DSCAM: variants seen among roughly 807,000 people sequenced by gnomAD.
DSCAM encodes the protein cell adhesion molecule DSCAM.
Under a neutral mutation model 217.7 loss-of-function variants are expected in DSCAM, and 47 were observed. The observed-to-expected ratio is 0.22, with a 90% CI of 0.17 to 0.28. DSCAM has a LOEUF of 0.28. DSCAM is among the 10% of genes least tolerant of loss of function. DSCAM has a pLI of 1.00. For synonymous variants in DSCAM, 1,056 were observed against 1,015.3 expected (o/e 1.04, Z -0.76); for missense variants, 2,080 against 2,618.3 (o/e 0.79, Z 4.49).
intron 1 of DSCAM, among the ~76,000 whole-genome samples, chr21:40,717,358 A>G (rs1207626629): frequency 6.6e-6 from 1 of 152,256 alleles, no homozygotes; most frequent in Non-Finnish European, 1.5e-5. Flanking sequence ...AAATGAAAAC[A>G]TACATCCACA....
chr21:40,147,979 A>G lies in DSCAM; in HGVS notation c.3019-3248T>C, dbSNP rs558427437. Reference sequence around the variant, plus strand: ...AGTCCCAGAAGTAGATGACCATCTTATTTTTTAAGTCCATGTTTCAATTGG... The same window carrying G: ...AGTCCCAGAAGTAGATGACCATCTTGTTTTTTAAGTCCATGTTTCAATTGG... On this transcript the variant is annotated intron_variant, in intron 16 of 32. Coordinates refer to ENST00000400454, the MANE Select transcript of DSCAM (RefSeq NM_001389.5). 2.6e-5 allele frequency among the ~76,000 whole-genome samples: 4 copies of G among 152,190 alleles called. No individual in the cohort carries two copies. The South Asian group carries it at 8.3e-4, about 32-fold the overall frequency.
chr21:40,174,334 G>C (rs1467716336), intron 15 of DSCAM, among the ~76,000 whole-genome samples: 1 of 152,114 alleles, frequency 6.6e-6, no homozygotes. Context: ...TTTGGGGTTG[G>C]AGCAATGAGA....
At chr21:40,643,741 T>C (rs971732876) in intron 3 of DSCAM, among the ~76,000 whole-genome samples, 9 of 152,134 alleles carry the variant, frequency 5.9e-5, no homozygotes, top group Non-Finnish European at 1.0e-4. Context: ...CATAAGAAGG[T>C]TGGCCACACA....
At position 40,682,674 on chromosome 21, in the gene DSCAM, G is replaced by GAGACCT. The variant is rs1568981615; in HGVS notation, c.508+10135_508+10136insAGGTCT. Among the ~76,000 whole-genome samples, 2 of 20,446 alleles carry GAGACCT rather than the reference G, an allele frequency of 9.8e-5. 1 individual carries two copies. Among genetic ancestry groups the GAGACCT allele is most frequent in the Non-Finnish European group, 2.0e-4 (2 of 10,084 alleles). 13.4% of individuals were successfully genotyped at this position (20,446 alleles called of 152,430 possible). On this transcript the variant is annotated intron_variant, in intron 3 of 32. Transcript: ENST00000400454. ...GAAGGGAAGGGAGCGGAGGGGGAGG[G>GAGACCT]GAGGGGAGGGGAAGGGAGCGGAGGG... is the stretch of plus-strand genomic sequence containing the variant.
At chr21:40,287,509 AG>A (rs1210835306) in intron 10 of DSCAM, among the ~76,000 whole-genome samples, 3 of 152,184 alleles carry the variant, frequency 2.0e-5, no homozygotes, top group Non-Finnish European at 4.4e-5. Context: ...CCCCTAAAGT[AG>A]GAGGGGACTC....
chr21:40,289,793 G>T (rs775813585), intron 10 of DSCAM, among the ~76,000 whole-genome samples: 2 of 152,068 alleles, frequency 1.3e-5, no homozygotes, highest in Non-Finnish European at 1.5e-5. Flanking sequence ...TGCTGTATTC[G>T]AAAGGAAACC....
chr21:40,220,626 A>G (rs1411699166), intron 11 of DSCAM, among the ~76,000 whole-genome samples: 1 of 152,216 alleles, frequency 6.6e-6, no homozygotes, highest in Non-Finnish European at 1.5e-5. Flanking sequence ...AATCTTTAAT[A>G]AAAAGTCTCC....
rs920280128 is a variant in DSCAM, at chr21:40,016,403, G to A, written c.5687-3017C>T. Among the ~76,000 whole-genome samples the A allele has an allele frequency of 1.3e-5, 2 of 152,066 alleles. No individual in the cohort carries two copies. ...GTACTTTGATGACAAAAGATGAAGG[G>A]TTTAGTTTCAGACCTGCTGAGTTTG... On this transcript the variant is annotated intron_variant, in intron 32 of 32. Coordinates refer to ENST00000400454, the MANE Select transcript of DSCAM (RefSeq NM_001389.5). This position sits in a 1 kb window ranked among gnomAD's most constrained non-coding sequence, Gnocchi z 4.3.
rs79047737 is a variant in DSCAM, at chr21:40,804,814, A to G, written c.43+41805T>C. ...TTGCTAAATTCCCATCTATAAGTCA[A>G]CATTCCCCTCCATCTAGGACTATCT... On this transcript the variant is annotated intron_variant, in intron 1 of 32. Coordinates refer to ENST00000400454, the MANE Select transcript of DSCAM (RefSeq NM_001389.5). 0.014 allele frequency among the ~76,000 whole-genome samples: 2,104 copies of G among 152,192 alleles called. 97 individuals are homozygous for G. The East Asian group carries it at 0.18, about 13-fold the overall frequency.
At chr21:40,746,542 T>C (rs1277138034) in intron 1 of DSCAM, among the ~76,000 whole-genome samples, 2 of 151,922 alleles carry the variant, frequency 1.3e-5, no homozygotes, top group Non-Finnish European at 2.9e-5. Context: ...GGACTCTCAA[T>C]ATTTGAGACC....
chr21:40,482,925 A>G (rs1046946083), intron 3 of DSCAM, among the ~76,000 whole-genome samples: 12 of 152,234 alleles, frequency 7.9e-5, no homozygotes, highest in Non-Finnish European at 1.5e-4. Context: ...GAGGCTAATG[A>G]CACACAGCCC....
At chr21:40,304,060 G>A (rs1247886887) in intron 9 of DSCAM, among the ~76,000 whole-genome samples, 8 of 152,208 alleles carry the variant, frequency 5.3e-5, no homozygotes, top group Non-Finnish European at 1.0e-4. Context: ...CACTGAGCAG[G>A]ATATCAGGGA....
At chr21:40,488,440 C>A (rs1354378981) in intron 3 of DSCAM, among the ~76,000 whole-genome samples, 1 of 152,146 alleles carries the variant, frequency 6.6e-6, no homozygotes, top group Non-Finnish European at 1.5e-5. Flanking sequence ...CATCAGATTG[C>A]CTGATAGTTT....
At chr21:40,276,573 G>A (rs1347000772) in intron 10 of DSCAM, among the ~76,000 whole-genome samples, 1 of 152,174 alleles carries the variant, frequency 6.6e-6, no homozygotes, top group East Asian at 1.9e-4. Context: ...ATTATTCAAA[G>A]AAATCACAGT....
chr21:40,567,060 T>C (rs2076770315), intron 3 of DSCAM, among the ~76,000 whole-genome samples: 1 of 152,136 alleles, frequency 6.6e-6, no homozygotes, highest in Non-Finnish European at 1.5e-5. Flanking sequence ...AAGATGCTCA[T>C]GGGTCCTCCC....
chr21:40,304,736 G>A (rs1312923871), intron 9 of DSCAM, among the ~76,000 whole-genome samples: 3 of 152,154 alleles, frequency 2.0e-5, no homozygotes, highest in African/African-American at 7.2e-5. Context: ...CTGAGAAATG[G>A]TCAATATTGT....
At chr21:40,492,526 T>G (rs2076084046) in intron 3 of DSCAM, among the ~76,000 whole-genome samples, 1 of 151,738 alleles carries the variant, frequency 6.6e-6, no homozygotes, top group African/African-American at 2.4e-5. Flanking sequence ...ATATTAGAAA[T>G]TTAGCAGTGA....
intron 3 of DSCAM, among the ~76,000 whole-genome samples, chr21:40,680,807 T>A (rs1485522470): frequency 1.3e-5 from 2 of 152,318 alleles, no homozygotes; most frequent in Middle Eastern, 3.4e-3. Flanking sequence ...AATTTAGTTG[T>A]TGAAGTTTCA....
At chr21:40,552,240 G>C (rs2076636192) in intron 3 of DSCAM, among the ~76,000 whole-genome samples, 1 of 152,094 alleles carries the variant, frequency 6.6e-6, no homozygotes, top group African/African-American at 2.4e-5. Context: ...CTTGAACCTG[G>C]GCATTGGAGG....
Sources: gnomAD v4.1 joint callset for allele counts (sites outside exome capture counted in the v4.1 genomes callset) on GRCh38, gnomAD v4.1.1 for gene constraint, Gnocchi (gnomAD v3.1) non-coding constraint, MANE v1.5 for transcripts, NCBI Gene and HGNC (gene_info 2026-07-23, HGNC 2026-07-21) for gene names.